AFAP1L2: variants seen among roughly 807,000 people sequenced by gnomAD.
AFAP1L2 encodes the protein actin filament-associated protein 1-like 2.
Under a neutral mutation model 99.3 loss-of-function variants are expected in AFAP1L2, and 46 were observed. The ratio of observed to expected loss-of-function variants is 0.46; its 90% CI spans 0.37 to 0.59. The LOEUF is 0.59. AFAP1L2 is among the 20% of genes least tolerant of loss of function. The probability of loss-of-function intolerance (pLI) is 0.00; values close to 1 mark genes in which losing one functional copy is unlikely to be tolerated. For missense variants in AFAP1L2, 959 were observed against 1,034.9 expected (o/e 0.93, Z 1.01); for synonymous variants, 397 against 419.1 (o/e 0.95, Z 0.64).
chr10:114,324,243 T>G (rs2045857026), intron 4 of AFAP1L2, among the ~76,000 whole-genome samples: 1 of 152,114 alleles, frequency 6.6e-6, no homozygotes. Flanking sequence ...GGGTCTCCAG[T>G]GTCTTTTGTT....
rs574972190 is a variant in AFAP1L2 at position 114,385,437 on chromosome 10, C to A, written c.16+19003G>T. Among the ~76,000 whole-genome samples, 3 of 152,182 alleles carry A rather than the reference C, an allele frequency of 2.0e-5. No individual in the cohort carries two copies. In the East Asian group the frequency reaches 5.8e-4, roughly 29 times the overall value. On this transcript the variant is annotated intron_variant, in intron 1 of 18. Coordinates refer to ENST00000304129, the MANE Select transcript of AFAP1L2 (RefSeq NM_001001936.3). ...TCCAAACATGGCTGCAGGTCAGGGT[C>A]GAAGCCATCTGAGGATGGAGGTCAT...
chr10:114,386,838 T>C (rs1218367289), intron 1 of AFAP1L2, among the ~76,000 whole-genome samples: 1 of 152,254 alleles, frequency 6.6e-6, no homozygotes, highest in Non-Finnish European at 1.5e-5. Context: ...GTCCTGGGAC[T>C]GCAGAGGGCT....
At chr10:114,339,086 A>G (rs1187141638) in intron 2 of AFAP1L2, among the ~76,000 whole-genome samples, 1 of 152,244 alleles carries the variant, frequency 6.6e-6, no homozygotes. Flanking sequence ...GCTCATGGGA[A>G]TGCTCATTAA....
At chr10:114,301,870 T>TC in intron 12 of AFAP1L2, 2 of 258,796 alleles carry the variant, frequency 7.7e-6, no homozygotes, top group South Asian at 1.2e-4. Flanking sequence ...GAAAACTGAT[T>TC]CTGTTTCAGT....
chr10:114,319,710 G>A (rs974022270), intron 5 of AFAP1L2: 4 of 1,170,800 alleles, frequency 3.4e-6, no homozygotes, highest in South Asian at 2.6e-5. Flanking sequence ...AGAGGAGCAC[G>A]CCCAAGTGCA....
chr10:114,366,858 C>T (rs144484129), intron 1 of AFAP1L2, among the ~76,000 whole-genome samples: 1 of 152,174 alleles, frequency 6.6e-6, no homozygotes, highest in Non-Finnish European at 1.5e-5. Flanking sequence ...GTCTCAGCTA[C>T]TCAGGGGGCT....
chr10:114,289,592 G>A, the AFAP1L2 span: 13 of 1,369,122 alleles, frequency 9.5e-6, no homozygotes, highest in South Asian at 1.4e-4. Context: ...CCCAGCTACT[G>A]AGCACTTGCT....
chr10:114,334,547 G>A (rs1460308911), intron 2 of AFAP1L2, among the ~76,000 whole-genome samples: 1 of 152,218 alleles, frequency 6.6e-6, no homozygotes, highest in Non-Finnish European at 1.5e-5. Flanking sequence ...GGACCCGAGA[G>A]CCAAGAGGAA....
intron 5 of AFAP1L2, among the ~76,000 whole-genome samples, chr10:114,320,357 C>T (rs936348411): frequency 1.2e-4 from 18 of 152,234 alleles, no homozygotes; most frequent in Admixed American, 2.0e-4. Flanking sequence ...GTCAGCAAAT[C>T]GCTATGGCCG....
At chr10:114,290,356 T>C, downstream of AFAP1L2, 1 of 1,550,508 alleles carries the variant, frequency 6.4e-7, no homozygotes, top group Non-Finnish European at 8.7e-7. Context: ...GGGCCCCCAC[T>C]GCGAGAACCG....
rs769781117 is a variant in AFAP1L2, at chr10:114,302,355, C to A, written c.1414G>T (p.Ala472Ser). The change falls in exon 12 of 19, where the codon GCC becomes TCC. Residue 472 changes from alanine to serine, a missense_variant. By Grantham distance (99) the Ala-to-Ser change is moderately conservative (BLOSUM62 1). This residue lies in a region of AFAP1L2 where 576 missense variants were observed against 562.1 expected (regional missense o/e 1.02). Transcript: ENST00000304129. ...ATTACTCACAAGAGAGAGTTTTTGG[C>A]CGCACTCACAATACAGGAGACCCTA... The part of the protein sequence containing the change: ...ADRVSCIVSA[A>S]KNSLLLMQRK... The A allele has an allele frequency of 6.2e-7, 1 of 1,614,098 alleles. No individual in the cohort carries two copies. The highest frequency in any genetic ancestry group is 1.1e-5 in the South Asian group (1 of 91,084).
At chr10:114,348,513 C>T (rs1564942718) in intron 1 of AFAP1L2, among the ~76,000 whole-genome samples, 1 of 152,160 alleles carries the variant, frequency 6.6e-6, no homozygotes, top group Non-Finnish European at 1.5e-5. Context: ...CATAGCATTC[C>T]ATCGTGTAGA....
At chr10:114,321,857 A>G (rs35919059) in intron 5 of AFAP1L2, among the ~76,000 whole-genome samples, 15,024 of 152,240 alleles carry the variant, frequency 0.099, 840 homozygotes, top group South Asian at 0.15. Context: ...AGCCCTGCCT[A>G]CAGAGCCGCT....
At chr10:114,346,398 C>G (rs764829859) in intron 1 of AFAP1L2, among the ~76,000 whole-genome samples, 11 of 152,156 alleles carry the variant, frequency 7.2e-5, no homozygotes, top group Non-Finnish European at 1.6e-4. Context: ...ATTTGGGTGT[C>G]CGACAAGGTG....
At chr10:114,366,926 C>G (rs148411776) in intron 1 of AFAP1L2, among the ~76,000 whole-genome samples, 2,343 of 152,268 alleles carry the variant, frequency 0.015, 68 homozygotes, top group African/African-American at 0.054. Flanking sequence ...GAGATCACGA[C>G]ACTGCACTCC....
intron 16 of AFAP1L2, 119 bp from the exon 17 acceptor site, chr10:114,297,532 C>G: frequency 1.8e-6 from 2 of 1,114,416 alleles, no homozygotes; most frequent in African/African-American, 3.1e-5. Flanking sequence ...AGGTCTGGCC[C>G]CAACACTCAG....
chr10:114,352,965 A>G (rs564324584), intron 1 of AFAP1L2, among the ~76,000 whole-genome samples: 1 of 152,198 alleles, frequency 6.6e-6, no homozygotes, highest in East Asian at 1.9e-4. Context: ...TTTGGAGCCA[A>G]ATTTCCCTGG....
chr10:114,299,211 T>C, intron 16 of AFAP1L2, 49 bp downstream of exon 16: 1 of 1,607,790 alleles, frequency 6.2e-7, no homozygotes, highest in African/African-American at 1.3e-5. Flanking sequence ...AAGTTAAGCC[T>C]ACACGGCCCT....
intron 1 of AFAP1L2, among the ~76,000 whole-genome samples, chr10:114,343,309 C>T (rs897969186): frequency 1.3e-5 from 2 of 152,198 alleles, no homozygotes; most frequent in Admixed American, 1.3e-4. Flanking sequence ...GCCCACCATC[C>T]AGAACCCTTG....
Sources: gnomAD v4.1 joint callset for allele counts (sites outside exome capture counted in the v4.1 genomes callset) on GRCh38, gnomAD v4.1.1 for gene constraint, gnomAD v4.1.1 regional missense constraint, MANE v1.5 for transcripts, NCBI Gene and HGNC (gene_info 2026-07-23, HGNC 2026-07-21) for gene names.